Variants in CSMD1 observed in about 807,000 individuals in gnomAD.
The protein encoded by CSMD1 is CUB and sushi domain-containing protein 1.
CSMD1 carries 213 observed loss-of-function variants against 417.5 expected under a neutral mutation model. That is an observed-to-expected ratio of 0.51 (90% CI 0.46 to 0.57). CSMD1 has a LOEUF of 0.57. CSMD1 is among the 20% of genes least tolerant of loss of function. CSMD1 has a pLI of 0.00. For missense variants in CSMD1, 6,923 were observed against 4,529.7 expected (o/e 1.53, Z -15.17); for synonymous variants, 2,862 against 1,736.8 (o/e 1.65, Z -16.11).
intron 4 of CSMD1, among the ~76,000 whole-genome samples, chr8:4,023,623 G>A (rs560458268): frequency 1.4e-3 from 184 of 134,414 alleles, no homozygotes; most frequent in African/African-American, 5.6e-3. Context: ...GTCTCGCTCT[G>A]TCGCCCAGGC....
At chr8:3,385,008 TA>T (rs1422364244) in intron 18 of CSMD1, among the ~76,000 whole-genome samples, 19 of 60,752 alleles carry the variant, frequency 3.1e-4, no homozygotes, top group South Asian at 5.0e-4. Context: ...TATTTATATA[TA>T]AATATATAAT....
chr8:4,084,051 G>A (rs557875435), intron 3 of CSMD1, among the ~76,000 whole-genome samples: 1 of 152,202 alleles, frequency 6.6e-6, no homozygotes, highest in African/African-American at 2.4e-5. Context: ...TTTAAAATTA[G>A]TAGATCAAAT....
chr8:3,546,361 C>G (rs1329743320), intron 10 of CSMD1, among the ~76,000 whole-genome samples: 1 of 151,644 alleles, frequency 6.6e-6, no homozygotes. Context: ...TGATGAAATC[C>G]CCATCTCTAC....
chr8:4,165,346 A>C (rs1797394186), intron 3 of CSMD1, among the ~76,000 whole-genome samples: 1 of 152,382 alleles, frequency 6.6e-6, no homozygotes, highest in South Asian at 2.1e-4. Flanking sequence ...GTGGTGTCCC[A>C]CAAATTCCTT....
intron 41 of CSMD1, among the ~76,000 whole-genome samples, chr8:3,135,604 T>TC (rs1378661305): frequency 1.4e-5 from 2 of 145,330 alleles, no homozygotes; most frequent in African/African-American, 5.5e-5. Context: ...ACCGGCTTCT[T>TC]CCCCTTTAAA....
At chr8:4,225,645 G>C (rs1453703580) in intron 3 of CSMD1, among the ~76,000 whole-genome samples, 2 of 151,948 alleles carry the variant, frequency 1.3e-5, no homozygotes, top group East Asian at 3.9e-4. Context: ...ATCATAACCA[G>C]AGAAATTAAA....
chr8:3,484,503 G>C (rs747279161), intron 11 of CSMD1, among the ~76,000 whole-genome samples: 1 of 152,152 alleles, frequency 6.6e-6, no homozygotes, highest in Non-Finnish European at 1.5e-5. Flanking sequence ...TGTATAGAAG[G>C]ACTCCTCTGT....
At chr8:3,547,997 A>G (rs941273734) in intron 10 of CSMD1, among the ~76,000 whole-genome samples, 8 of 152,232 alleles carry the variant, frequency 5.3e-5, no homozygotes, top group African/African-American at 1.9e-4. Flanking sequence ...AAAAATAACT[A>G]AAAGAAAGGA....
At chr8:3,508,196 G>A (rs987897923) in intron 10 of CSMD1, among the ~76,000 whole-genome samples, 3 of 152,048 alleles carry the variant, frequency 2.0e-5, no homozygotes, top group Non-Finnish European at 4.4e-5. Flanking sequence ...TTGTCTCTTT[G>A]GTTGTCTAGA....
chr8:4,918,712 A>C (rs1806233686), intron 1 of CSMD1, among the ~76,000 whole-genome samples: 1 of 152,190 alleles, frequency 6.6e-6, no homozygotes, highest in South Asian at 2.1e-4. Flanking sequence ...CATTTTTCGT[A>C]ATTTCACCAA....
chr8:2,961,918 A>C (rs953035287), intron 61 of CSMD1, among the ~76,000 whole-genome samples: 1 of 152,242 alleles, frequency 6.6e-6, no homozygotes, highest in Non-Finnish European at 1.5e-5. Context: ...AATTAGAAAA[A>C]ATGCTTCAAT....
At chr8:4,141,663 CT>C (rs1803799331) in intron 3 of CSMD1, among the ~76,000 whole-genome samples, 1 of 150,238 alleles carries the variant, frequency 6.7e-6, no homozygotes, top group East Asian at 1.9e-4. Flanking sequence ...CTCCAGATCT[CT>C]AAACTTCTCC....
chr8:4,821,360 G>A (rs769222329), intron 1 of CSMD1, among the ~76,000 whole-genome samples: 1 of 152,062 alleles, frequency 6.6e-6, no homozygotes, highest in Non-Finnish European at 1.5e-5. Flanking sequence ...TAGTTAAATA[G>A]CTCCAAAGAG....
At chr8:4,153,764 A>G (rs1675058631) in intron 3 of CSMD1, among the ~76,000 whole-genome samples, 1 of 152,228 alleles carries the variant, frequency 6.6e-6, no homozygotes, top group Non-Finnish European at 1.5e-5. Context: ...CCTGTGCTCT[A>G]AAACCCTTTG....
intron 10 of CSMD1, among the ~76,000 whole-genome samples, chr8:3,560,654 C>G (rs1799429919): frequency 6.6e-6 from 1 of 152,158 alleles, no homozygotes; most frequent in African/African-American, 2.4e-5. Flanking sequence ...CTAGATATTT[C>G]TATTGTCTTT....
intron 49 of CSMD1, among the ~76,000 whole-genome samples, chr8:3,061,702 T>C (rs2128993905): frequency 6.6e-6 from 1 of 152,362 alleles, no homozygotes; most frequent in African/African-American, 2.4e-5. Flanking sequence ...GCGAAATCTC[T>C]ATGTTTCAAC....
intron 2 of CSMD1, among the ~76,000 whole-genome samples, chr8:4,517,165 C>G (rs758487834): frequency 7.9e-5 from 12 of 152,094 alleles, no homozygotes; most frequent in Non-Finnish European, 1.6e-4. Context: ...ACTGTATGAA[C>G]TAATTCATAT....
intron 2 of CSMD1, among the ~76,000 whole-genome samples, chr8:4,580,575 C>A (rs1022876133): frequency 1.8e-4 from 28 of 152,114 alleles, no homozygotes; most frequent in Non-Finnish European, 7.3e-5. Context: ...TGAGGCTCCT[C>A]CTTTCTCCTC....
chr8:4,448,078 T>C (rs1480137485), intron 2 of CSMD1, among the ~76,000 whole-genome samples: 1 of 152,222 alleles, frequency 6.6e-6, no homozygotes, highest in Non-Finnish European at 1.5e-5. Flanking sequence ...AGCTGTCCAG[T>C]GGAAATTCTG....
Sources: gnomAD v4.1 joint callset for allele counts (sites outside exome capture counted in the v4.1 genomes callset) on GRCh38, gnomAD v4.1.1 for gene constraint, MANE v1.5 for transcripts, NCBI Gene and HGNC (gene_info 2026-07-23, HGNC 2026-07-21) for gene names.